The following PCDHGB3 variants were observed in gnomAD, a reference collection of about 807,000 sequenced individuals.
PCDHGB3 encodes the protein protocadherin gamma-B3.
Under a neutral mutation model 59.2 loss-of-function variants are expected in PCDHGB3, and 40 were observed. That is an observed-to-expected ratio of 0.68 (90% CI 0.52 to 0.88). The LOEUF is 0.88. Ranked by LOEUF, PCDHGB3 falls within the 40% of genes least tolerant of loss-of-function variation. The probability of loss-of-function intolerance (pLI) is 0.00; values close to 1 mark genes in which losing one functional copy is unlikely to be tolerated. For missense variants in PCDHGB3, 1,309 were observed against 1,187.9 expected, an observed-to-expected ratio of 1.10 and a Z score of -1.50; for synonymous variants, 581 against 503.6, an observed-to-expected ratio of 1.15 and a Z score of -2.06.
Position 141,372,524 on chromosome 5 carries a change from A to G in PCDHGB3, c.2130A>G (p.Ala710=), listed in dbSNP as rs1768835682. The stretch of plus-strand genomic sequence containing the variant: ...TCTTCCTCCTCGCGGTGATTCTGGC[A>G]ATCTCCCTGCGCCTGCGATGCTCCT... ...SVLFLLAVIL[A]ISLRLRCSSR... Residue 710 remains alanine, a synonymous_variant, in exon 1 of 4, where the codon GCA becomes GCG. Coordinates refer to ENST00000576222, the MANE Select transcript of PCDHGB3 (RefSeq NM_018924.5). 1.2e-6 allele frequency: 2 copies of G among 1,613,968 alleles called. No individual in the cohort carries two copies. The highest frequency in any genetic ancestry group is 2.2e-5 in the East Asian group (1 of 44,874).
chr5:141,482,588 C>T (rs559327092), intron 1 of PCDHGB3, among the ~76,000 whole-genome samples: 3 of 147,192 alleles, frequency 2.0e-5, no homozygotes, highest in Admixed American at 6.8e-5. Context: ...GCAGTGGGAC[C>T]AAACGGGAAA....
chr5:141,460,921 T>C (rs984603258), intron 1 of PCDHGB3, among the ~76,000 whole-genome samples: 4 of 151,276 alleles, frequency 2.6e-5, no homozygotes, highest in African/African-American at 9.7e-5. Flanking sequence ...TGTATATATA[T>C]ATATGTGTGT....
intron 1 of PCDHGB3, chr5:141,422,116 T>G (rs753281558): frequency 1.2e-6 from 2 of 1,604,612 alleles, no homozygotes; most frequent in African/African-American, 1.3e-5. Flanking sequence ...CCAATTGGAT[T>G]CACAAACTGG....
At chr5:141,399,971 T>C in intron 1 of PCDHGB3, 1 of 1,612,208 alleles carries the variant, frequency 6.2e-7, no homozygotes, top group Non-Finnish European at 8.5e-7. Flanking sequence ...CTCTTCAGCC[T>C]GGGGCTGCGC....
rs765756193 is a variant in PCDHGB3, at chr5:141,511,105, C to T, written c.2722C>T (p.Arg908Trp). The T allele has an allele frequency of 2.8e-5, 46 of 1,614,196 alleles. No individual in the cohort carries two copies. In the East Asian group the frequency reaches 3.1e-4, roughly 11 times the overall value. Residue 908 changes from arginine to tryptophan, a missense_variant, in exon 4 of 4, where the codon CGG becomes TGG. Transcript: ENST00000576222. ...CACACTGACCAACGCAGCTGGCAAG[C>T]GGGATGGCAAGGCCCCAGCAGGTGG... ...NATLTNAAGK[R>W]DGKAPAGGNG...
At chr5:141,374,109 A>C (rs1422319467) in intron 1 of PCDHGB3, 1 of 1,576,270 alleles carries the variant, frequency 6.3e-7, no homozygotes, top group Admixed American at 1.8e-5. Flanking sequence ...AGGCATCCGC[A>C]GCGCAGCGAG....
intron 1 of PCDHGB3, chr5:141,377,978 G>C (rs1774513116): frequency 6.6e-6 from 1 of 151,944 alleles, no homozygotes; most frequent in South Asian, 2.1e-4. Flanking sequence ...TATGTTCCTG[G>C]GTTGCAATCC....
In PCDHGB3 at chr5:141,486,403, T is replaced by C; in HGVS notation, c.2416-8404T>C. ...GGAACCAGTTCTCCCTGGTGACTGC[T>C]GGACCCTTGGATCGAGAGGCCAAAT... On this transcript the variant is annotated intron_variant, in intron 1 of 3. Coordinates refer to ENST00000576222, the MANE Select transcript of PCDHGB3 (RefSeq NM_018924.5). This position sits in a 1 kb window ranked among gnomAD's most constrained non-coding sequence, Gnocchi z 5.0. The C allele has an allele frequency of 6.2e-7, 1 of 1,614,212 alleles. No individual in the cohort carries two copies. Among genetic ancestry groups the C allele is most frequent in the Non-Finnish European group, 8.5e-7 (1 of 1,180,034 alleles).
rs765278378 is a variant in PCDHGB3, at chr5:141,371,014, A to G, written c.620A>G (p.His207Arg). ...CCCCTGGACAGGGAAGAGCAGCCAC[A>G]TCACCACCTGGTCCTCACAGCTGTG... ...KAPLDREEQPHHHLVLTAVDG... is the reference protein window; with the variant it reads ...KAPLDREEQPRHHLVLTAVDG... Residue 207 changes from histidine to arginine, a missense_variant, in exon 1 of 4, where the codon CAT (histidine) becomes CGT (arginine). Transcript: ENST00000576222. 8.7e-6 allele frequency: 14 copies of G among 1,613,890 alleles called. No homozygotes were observed. The highest frequency in any genetic ancestry group is 1.1e-5 in the South Asian group (1 of 91,094).
intron 1 of PCDHGB3, chr5:141,392,164 A>C (rs2092476759): frequency 1.3e-5 from 2 of 152,244 alleles, no homozygotes; most frequent in African/African-American, 4.8e-5. Flanking sequence ...ACAATTTCTG[A>C]GTCAGTCATC....
chr5:141,410,080 G>A (rs758499736), intron 1 of PCDHGB3: 2 of 1,612,672 alleles, frequency 1.2e-6, no homozygotes, highest in African/African-American at 2.7e-5. Context: ...CTGGGGAGGT[G>A]CGCACGGCTC....
chr5:141,487,340 G>A lies in PCDHGB3; in HGVS notation c.2416-7467G>A, dbSNP rs2099643329. 6.2e-7 allele frequency: 1 copy of A among 1,614,182 alleles called. No individual in the cohort carries two copies. Among genetic ancestry groups the A allele is most frequent in the Admixed American group, 1.7e-5 (1 of 60,024 alleles). The stretch of plus-strand genomic sequence containing the variant: ...GTGTCTTCGTGGGGCAGCCTGTGGA[G>A]TCACATGCTTTCCTGCTGGCACCTG... On this transcript the variant is annotated intron_variant, in intron 1 of 3. Coordinates refer to ENST00000576222, the MANE Select transcript of PCDHGB3 (RefSeq NM_018924.5). This position sits in a 1 kb window ranked among gnomAD's most constrained non-coding sequence, Gnocchi z 5.0.
chr5:141,430,949 GT>G (rs1391027030), intron 1 of PCDHGB3: 5 of 1,610,510 alleles, frequency 3.1e-6, no homozygotes, highest in Non-Finnish European at 4.2e-6. Flanking sequence ...GGAGCGCGGA[GT>G]CCGCATCATC....
intron 1 of PCDHGB3, chr5:141,414,112 T>C (rs967826724): frequency 1.3e-6 from 2 of 1,592,428 alleles, no homozygotes; most frequent in African/African-American, 2.7e-5. Context: ...AAATCTAGAT[T>C]ATGAAGAAAC....
At chr5:141,384,653 G>T in intron 1 of PCDHGB3, 1 of 1,614,222 alleles carries the variant, frequency 6.2e-7, no homozygotes, top group Non-Finnish European at 8.5e-7. Context: ...GCAGAGCCCG[G>T]CTACCTGGTG....
In PCDHGB3 at chr5:141,409,805, C is replaced by G. The variant is rs751397816; in HGVS notation, c.2415+36996C>G. ...CGCCTTCGCGCTCACGCTGCAGGCC[C>G]GCGACCACGGCTCGCCCACGCTCAG... On this transcript the variant is annotated intron_variant, in intron 1 of 3. Coordinates refer to ENST00000576222, the MANE Select transcript of PCDHGB3 (RefSeq NM_018924.5). 8 of 1,611,512 alleles carry G rather than the reference C, an allele frequency of 5.0e-6. No individual in the cohort carries two copies. In the African/African-American group the frequency reaches 5.3e-5, roughly 11 times the overall value.
intron 1 of PCDHGB3, chr5:141,405,635 C>T (rs539370352): frequency 1.3e-4 from 69 of 526,234 alleles, no homozygotes; most frequent in Non-Finnish European, 1.9e-4. Context: ...CCACCACGCC[C>T]GGCTAATTTT....
chr5:141,476,070 C>T lies in PCDHGB3; in HGVS notation c.2416-18737C>T. ...CCCGCTGAAAGTTTCTCAGCGAAAT[C>T]TCAGGGACGATCTGGACCCCGCTGA... is the stretch of plus-strand genomic sequence containing the variant. On this transcript the variant is annotated intron_variant, in intron 1 of 3. Transcript: ENST00000576222. This position sits in a 1 kb window ranked among gnomAD's most constrained non-coding sequence, Gnocchi z 7.6. 6.6e-7 allele frequency: 1 copy of T among 1,522,382 alleles called. No individual in the cohort carries two copies. The highest frequency in any genetic ancestry group is 1.3e-5 in the South Asian group (1 of 77,762). 94.3% of individuals were successfully genotyped at this position (1,522,382 alleles called of 1,614,324 possible). A position where few individuals can be genotyped will look rare whatever the true frequency, so the allele number is the denominator to read the frequency against.
At chr5:141,397,706 T>G (rs2093559040) in intron 1 of PCDHGB3, among the ~76,000 whole-genome samples, 1 of 152,246 alleles carries the variant, frequency 6.6e-6, no homozygotes, top group African/African-American at 2.4e-5. Flanking sequence ...CAACGTGATA[T>G]TTCTAACAAT....
Sources: gnomAD v4.1 joint callset for allele counts (sites outside exome capture counted in the v4.1 genomes callset) on GRCh38, gnomAD v4.1.1 for gene constraint, Gnocchi (gnomAD v3.1) non-coding constraint, MANE v1.5 for transcripts, NCBI Gene and HGNC (gene_info 2026-07-23, HGNC 2026-07-21) for gene names.